The following SPINK9 variants were observed in gnomAD, a reference collection of about 807,000 sequenced individuals.
SPINK9 encodes serine protease inhibitor Kazal-type 9.
SPINK9 carries 3 observed loss-of-function variants against 10.8 expected under a neutral mutation model. That is an observed-to-expected ratio of 0.28 (90% CI 0.13 to 0.72). The LOEUF (loss-of-function observed/expected upper bound fraction) is 0.72. Ranked by LOEUF, SPINK9 falls within the 30% of genes least tolerant of loss-of-function variation. The pLI, the probability that SPINK9 is intolerant of heterozygous loss-of-function variation, is 0.74. For missense variants in SPINK9, 101 were observed against 103.2 expected (o/e 0.98, Z 0.09); for synonymous variants, 30 against 31.2 (o/e 0.96, Z 0.12).
chr5:148,338,547 A>C lies in SPINK9; in HGVS notation c.157A>C (p.Ile53Leu). Residue 53 changes from isoleucine (I) to leucine (L), a missense_variant, in exon 3 of 4, where the codon ATT becomes CTT. Coordinates refer to ENST00000377906, the MANE Select transcript of SPINK9 (RefSeq NM_001040433.2). ...QRFCHHMYDP[I>L]CGSDGKTYKN... ...ATTTTGTCATCATATGTATGATCCA[A>C]TTTGTGGATCTGATGGCAAAACTTA... 6.2e-7 allele frequency: 1 copy of C among 1,608,442 alleles called. No homozygotes were observed. Among genetic ancestry groups the C allele is most frequent in the Non-Finnish European group, 8.5e-7 (1 of 1,176,082 alleles).
chr5:148,333,177 G>A (rs1045867932), upstream of SPINK9, among the ~76,000 whole-genome samples: 15 of 152,094 alleles, frequency 9.9e-5, no homozygotes, highest in African/African-American at 3.4e-4. Flanking sequence ...AGGAAACCAG[G>A]CTGCCACATA....
chr5:148,325,333 C>T (rs911357004), intron 2 of SPINK9, among the ~76,000 whole-genome samples: 3 of 152,018 alleles, frequency 2.0e-5, no homozygotes, highest in African/African-American at 2.4e-5. Flanking sequence ...TTTTGAGGAG[C>T]TACCAAACTA....
At chr5:148,322,607 G>A (rs1227130069) in intron 1 of SPINK9, among the ~76,000 whole-genome samples, 3 of 152,068 alleles carry the variant, frequency 2.0e-5, no homozygotes, top group Non-Finnish European at 4.4e-5. Flanking sequence ...TATGATACCT[G>A]GAAATCAAAT....
chr5:148,335,929 G>A (rs2113422592), intron 1 of SPINK9, among the ~76,000 whole-genome samples: 1 of 152,288 alleles, frequency 6.6e-6, no homozygotes, highest in East Asian at 1.9e-4. Flanking sequence ...TCCAGACTCT[G>A]CTTTGACTTG....
intron 2 of SPINK9, 106 bp from the exon 3 acceptor site, chr5:148,338,372 A>G (rs1757244850): frequency 2.1e-6 from 2 of 974,894 alleles, no homozygotes; most frequent in African/African-American, 1.7e-5. Context: ...AACAATTGTA[A>G]TAAGAAACAT....
chr5:148,337,091 G>A (rs1561769055), intron 2 of SPINK9, among the ~76,000 whole-genome samples: 1 of 152,090 alleles, frequency 6.6e-6, no homozygotes, highest in African/African-American at 2.4e-5. Context: ...ATAAATTTTG[G>A]AGTCAGATGG....
chr5:148,334,192 A>C (rs1191215121), upstream of SPINK9, among the ~76,000 whole-genome samples: 1 of 152,010 alleles, frequency 6.6e-6, no homozygotes, highest in African/African-American at 2.4e-5. Context: ...AAGCAATTAT[A>C]TGTCAGAGGT....
intron 2 of SPINK9, among the ~76,000 whole-genome samples, chr5:148,329,343 G>C (rs553435406): frequency 6.6e-6 from 1 of 152,192 alleles, no homozygotes; most frequent in South Asian, 2.1e-4. Flanking sequence ...TGTGGGATTG[G>C]TGGTGATATC....
chr5:148,335,790 G>A, intron 1 of SPINK9, 122 bp downstream of exon 1: 2 of 1,208,678 alleles, frequency 1.7e-6, no homozygotes, highest in Non-Finnish European at 2.3e-6. Context: ...TTTTTAAAAT[G>A]AATCTTTTGC....
chr5:148,339,559 A>C (rs2113426653), intron 3 of SPINK9, 108 bp from the exon 4 acceptor site: 1 of 917,520 alleles, frequency 1.1e-6, no homozygotes, highest in Non-Finnish European at 1.7e-6. Context: ...AAACATCAAT[A>C]AGCGGGGAAA....
chr5:148,332,974 A>C (rs1243506058), upstream of SPINK9, among the ~76,000 whole-genome samples: 1 of 152,186 alleles, frequency 6.6e-6, no homozygotes, highest in Non-Finnish European at 1.5e-5. Context: ...GTCTTAAATA[A>C]GGTTCCCAAA....
intron 2 of SPINK9, among the ~76,000 whole-genome samples, chr5:148,329,744 G>T (rs1414059358): frequency 6.6e-6 from 1 of 152,054 alleles, no homozygotes; most frequent in Admixed American, 6.5e-5. Flanking sequence ...CTTTATTTCT[G>T]CCTTCATTTT....
chr5:148,333,074 T>C (rs1757171038), upstream of SPINK9, among the ~76,000 whole-genome samples: 1 of 152,190 alleles, frequency 6.6e-6, no homozygotes, highest in Non-Finnish European at 1.5e-5. Context: ...ATTTGGGAAC[T>C]TCTCATCTGG....
chr5:148,328,252 T>G (rs1162326997), intron 2 of SPINK9, among the ~76,000 whole-genome samples: 1 of 152,168 alleles, frequency 6.6e-6, no homozygotes, highest in Admixed American at 6.5e-5. Context: ...CTAGGTATTT[T>G]ATTCTCTTTG....
upstream of SPINK9, among the ~76,000 whole-genome samples, chr5:148,332,012 T>C (rs17719733): frequency 5.6e-3 from 856 of 152,340 alleles, 34 homozygotes; most frequent in East Asian, 0.1. Flanking sequence ...GTCAGTTTTC[T>C]ATAAAGGCAT....
chr5:148,335,746 A>G, intron 1 of SPINK9, 78 bp downstream of exon 1: 3 of 1,492,006 alleles, frequency 2.0e-6, no homozygotes, highest in Non-Finnish European at 2.8e-6. Flanking sequence ...ATTCTGGGAT[A>G]TATGTAATTC....
chr5:148,326,605 C>G (rs987580359), intron 2 of SPINK9, among the ~76,000 whole-genome samples: 1 of 152,128 alleles, frequency 6.6e-6, no homozygotes, highest in Non-Finnish European at 1.5e-5. Context: ...TGTTGGTGTG[C>G]TGCACCCATT....
chr5:148,322,397 TCTTTA>T (rs1757009377), intron 1 of SPINK9, among the ~76,000 whole-genome samples: 2 of 152,082 alleles, frequency 1.3e-5, no homozygotes, highest in African/African-American at 4.8e-5. Flanking sequence ...AAAATATACG[TCTTTA>T]CTTTAATAAT....
intron 1 of SPINK9, 48 bp downstream of exon 1, chr5:148,335,716 T>C (rs1757208667): frequency 1.3e-6 from 2 of 1,575,914 alleles, no homozygotes; most frequent in African/African-American, 1.3e-5. Context: ...TAATAGCTCA[T>C]GCAGTCTTCT....
Sources: allele counts gnomAD v4.1 joint callset (sites outside exome capture counted in the v4.1 genomes callset), GRCh38; gene constraint gnomAD v4.1.1; transcripts MANE v1.5; gene names NCBI Gene and HGNC (gene_info 2026-07-23, HGNC 2026-07-21).